Variants in TAFA2 observed in about 807,000 individuals in gnomAD.
The protein encoded by TAFA2 is chemokine-like protein TAFA-2.
Under a neutral mutation model 18.8 loss-of-function variants are expected in TAFA2, and 7 were observed. That is an observed-to-expected ratio of 0.37 (90% CI 0.21 to 0.70). TAFA2 has a LOEUF of 0.70. TAFA2 is among the 30% of genes least tolerant of loss of function. The pLI is 0.53. For synonymous variants in TAFA2, 60 were observed against 54.2 expected, an observed-to-expected ratio of 1.11 and a Z score of -0.47; for missense variants, 122 against 158.1, an observed-to-expected ratio of 0.77 and a Z score of 1.23.
intron 1 of TAFA2, among the ~76,000 whole-genome samples, chr12:62,169,759 G>A (rs1429010288): frequency 1.3e-5 from 2 of 150,046 alleles, no homozygotes; most frequent in African/African-American, 4.9e-5. Context: ...GCTGAGGCAG[G>A]AGAATGGCAT....
At chr12:61,879,793 G>C in intron 1 of TAFA2, 1 of 1,474,826 alleles carries the variant, frequency 6.8e-7, no homozygotes, top group East Asian at 2.3e-5. Flanking sequence ...TGGGCCAGGA[G>C]AAGCTGAAGC....
chr12:62,204,119 T>C (rs1474233017), intron 1 of TAFA2, among the ~76,000 whole-genome samples: 1 of 152,192 alleles, frequency 6.6e-6, no homozygotes, highest in Non-Finnish European at 1.5e-5. Context: ...GATATGAAAT[T>C]CTGGGTTGGA....
chr12:62,205,204 T>C (rs1422691142), intron 1 of TAFA2, among the ~76,000 whole-genome samples: 1 of 152,200 alleles, frequency 6.6e-6, no homozygotes, highest in Non-Finnish European at 1.5e-5. Flanking sequence ...TGCTCCTTCC[T>C]CTGGAAGTTC....
chr12:61,857,776 CA>C (rs780829522), intron 2 of TAFA2, among the ~76,000 whole-genome samples: 4 of 121,782 alleles, frequency 3.3e-5, no homozygotes, highest in Non-Finnish European at 6.9e-5. Context: ...CCTTCTCCTG[CA>C]CCTCCTCTCT....
chr12:61,940,198 A>C (rs537485414), intron 1 of TAFA2, among the ~76,000 whole-genome samples: 30 of 152,322 alleles, frequency 2.0e-4, no homozygotes, highest in Non-Finnish European at 2.9e-4. Flanking sequence ...AGCTTCATAG[A>C]CATGTAATGT....
intron 1 of TAFA2, among the ~76,000 whole-genome samples, chr12:61,929,000 G>C (rs1469476291): frequency 6.6e-6 from 1 of 151,416 alleles, no homozygotes; most frequent in African/African-American, 2.4e-5. Flanking sequence ...ACACACTGAG[G>C]CCTGTTGGGG....
intron 2 of TAFA2, among the ~76,000 whole-genome samples, chr12:61,802,509 G>A (rs959618258): frequency 6.6e-6 from 1 of 152,002 alleles, no homozygotes; most frequent in Non-Finnish European, 1.5e-5. Context: ...AGGCACAGAA[G>A]GATAAATACT....
At chr12:62,202,821 CTT>C (rs71083986) in intron 1 of TAFA2, among the ~76,000 whole-genome samples, 1,075 of 61,422 alleles carry the variant, frequency 0.018, 12 homozygotes, top group African/African-American at 0.057. Flanking sequence ...CTGTGTGGTT[CTT>C]TTTTTTTTTT....
At chr12:61,785,982 G>T (rs1220184294) in intron 2 of TAFA2, among the ~76,000 whole-genome samples, 2 of 151,568 alleles carry the variant, frequency 1.3e-5, no homozygotes, top group Admixed American at 1.3e-4. Flanking sequence ...AGTCTTGGGA[G>T]ACAAAATCAG....
intron 2 of TAFA2, among the ~76,000 whole-genome samples, chr12:61,836,050 C>A (rs1040544905): frequency 7.2e-5 from 11 of 151,866 alleles, no homozygotes; most frequent in African/African-American, 1.9e-4. Context: ...CCAGTCCTAG[C>A]CTTAGACTAA....
At chr12:61,790,232 G>C (rs1870917099) in intron 2 of TAFA2, among the ~76,000 whole-genome samples, 1 of 149,932 alleles carries the variant, frequency 6.7e-6, no homozygotes, top group Non-Finnish European at 1.5e-5. Context: ...CACAATAAAG[G>C]CCATATATGG....
intron 2 of TAFA2, among the ~76,000 whole-genome samples, chr12:61,845,632 T>C (rs1237822109): frequency 1.3e-5 from 2 of 152,174 alleles, no homozygotes; most frequent in Non-Finnish European, 2.9e-5. Flanking sequence ...TTTAATCCCC[T>C]AGAGGTAAGC....
At chr12:62,250,786 G>T (rs1303833803) in intron 1 of TAFA2, among the ~76,000 whole-genome samples, 1 of 152,114 alleles carries the variant, frequency 6.6e-6, no homozygotes, top group Non-Finnish European at 1.5e-5. Context: ...CCTACAGAAG[G>T]AATGTACTTC....
intron 1 of TAFA2, among the ~76,000 whole-genome samples, chr12:62,167,889 T>C (rs1176126509): frequency 6.6e-6 from 1 of 152,204 alleles, no homozygotes; most frequent in Non-Finnish European, 1.5e-5. Flanking sequence ...AAAAGATGCT[T>C]ACTGACCAAA....
chr12:61,856,961 A>G (rs1873911126), intron 2 of TAFA2, among the ~76,000 whole-genome samples: 1 of 151,766 alleles, frequency 6.6e-6, no homozygotes, highest in African/African-American at 2.4e-5. Context: ...ACAAATCTAT[A>G]AATACAGTAT....
chr12:61,851,774 CAAAAAAAAAAAAA>C (rs55651727), intron 2 of TAFA2, among the ~76,000 whole-genome samples: 21 of 14,492 alleles, frequency 1.4e-3, no homozygotes, highest in Admixed American at 5.8e-3. Context: ...GACTCCATCT[CAAAAAAAAAAAAA>C]AAAAAAAAAA....
chr12:62,121,307 G>T (rs191297938), intron 1 of TAFA2, among the ~76,000 whole-genome samples: 1 of 152,210 alleles, frequency 6.6e-6, no homozygotes, highest in East Asian at 1.9e-4. Context: ...AGGCTTTCAA[G>T]TCAGATATTT....
chr12:61,975,162 TAA>T (rs947442990), intron 1 of TAFA2, among the ~76,000 whole-genome samples: 9 of 151,824 alleles, frequency 5.9e-5, no homozygotes, highest in African/African-American at 2.2e-4. Flanking sequence ...AATAGCACAT[TAA>T]GTCTACTCTT....
intron 1 of TAFA2, among the ~76,000 whole-genome samples, chr12:61,981,965 A>T (rs1250219036): frequency 6.6e-6 from 1 of 152,186 alleles, no homozygotes; most frequent in Admixed American, 6.5e-5. Context: ...ATTATAAATC[A>T]TGCTAGTATA....
Sources: gnomAD v4.1 joint callset for allele counts (sites outside exome capture counted in the v4.1 genomes callset) on GRCh38, gnomAD v4.1.1 for gene constraint, MANE v1.5 for transcripts, NCBI Gene and HGNC (gene_info 2026-07-23, HGNC 2026-07-21) for gene names.